Variants in STRA8 observed in about 807,000 individuals in gnomAD.
The protein encoded by STRA8 is stimulated by retinoic acid gene 8 protein homolog.
In STRA8, 18 loss-of-function variants were observed where a neutral mutation model predicts 37.1. That is an observed-to-expected ratio of 0.48 (90% CI 0.34 to 0.72). The LOEUF is 0.72. Among genes scored for constraint, STRA8 ranks in the 30% least tolerant of loss-of-function variants. The probability of loss-of-function intolerance (pLI) is 0.01; values close to 1 mark genes in which losing one functional copy is unlikely to be tolerated. For missense variants in STRA8, 357 were observed against 410.4 expected, an observed-to-expected ratio of 0.87 and a Z score of 1.13; for synonymous variants, 168 against 162.9, an observed-to-expected ratio of 1.03 and a Z score of -0.24.
At chr7:135,258,395 C>G (rs374743682) in intron 8 of STRA8, 23 bp from the exon 9 acceptor site, 147 of 1,582,426 alleles carry the variant, frequency 9.3e-5, no homozygotes, top group African/African-American at 2.1e-4. Flanking sequence ...AAAAGTGACC[C>G]TCTTCCACCC....
rs150745062 is a variant in STRA8, at chr7:135,235,046, A to AT, written c.-7+1149dup. On this transcript the variant is annotated intron_variant, in intron 1 of 8. Transcript: ENST00000662584. Reference sequence around the variant, plus strand: ...CACATGACGCCCAGATAATTTTTGTATTTTTTGTAGAAATGGGGTTTGGCC... The same window carrying AT: ...CACATGACGCCCAGATAATTTTTGTATTTTTTTGTAGAAATGGGGTTTGGCC... Among the ~76,000 whole-genome samples the AT allele has an allele frequency of 0.013, 2,019 of 152,040 alleles. 141 individuals carry two copies. The East Asian group carries it at 0.21, about 16-fold the overall frequency.
intron 6 of STRA8, 49 bp from the exon 7 acceptor site, chr7:135,251,747 G>A: frequency 6.3e-7 from 1 of 1,595,180 alleles, no homozygotes; most frequent in Non-Finnish European, 8.6e-7. Context: ...GGGCAAGCAT[G>A]AAATTGTCAA....
At chr7:135,247,975 A>G (rs1343474700) in intron 6 of STRA8, among the ~76,000 whole-genome samples, 1 of 152,196 alleles carries the variant, frequency 6.6e-6, no homozygotes, top group Non-Finnish European at 1.5e-5. Flanking sequence ...GACATTTAGC[A>G]TCCATGGCTT....
At chr7:135,242,162 G>A (rs1465468280) in intron 2 of STRA8, among the ~76,000 whole-genome samples, 13 of 123,366 alleles carry the variant, frequency 1.1e-4, no homozygotes, top group Non-Finnish European at 2.0e-4. Context: ...GGGAAGGAGG[G>A]AGGGAAAAAA....
intron 1 of STRA8, among the ~76,000 whole-genome samples, chr7:135,237,811 G>A (rs1415214801): frequency 1.3e-5 from 2 of 152,000 alleles, no homozygotes; most frequent in Non-Finnish European, 2.9e-5. Context: ...AGAATCGCTT[G>A]AACCCGGGAG....
intron 1 of STRA8, among the ~76,000 whole-genome samples, chr7:135,236,088 C>T (rs1832372498): frequency 6.6e-6 from 1 of 151,050 alleles, no homozygotes; most frequent in Non-Finnish European, 1.5e-5. Context: ...GTCAATGGAG[C>T]GAGACCCTAT....
chr7:135,253,750 T>G (rs2129480022), intron 7 of STRA8, among the ~76,000 whole-genome samples: 1 of 152,326 alleles, frequency 6.6e-6, no homozygotes, highest in Non-Finnish European at 1.5e-5. Context: ...AAACCTGTGG[T>G]CTTAGAGCCT....
chr7:135,239,267 C>G (rs1346863053), intron 1 of STRA8, among the ~76,000 whole-genome samples: 1 of 152,186 alleles, frequency 6.6e-6, no homozygotes, highest in East Asian at 1.9e-4. Context: ...TTAGCGGTGG[C>G]TCTCAAAGTG....
chr7:135,239,262 G>A (rs774872269), intron 1 of STRA8, among the ~76,000 whole-genome samples: 8 of 152,138 alleles, frequency 5.3e-5, no homozygotes, highest in Non-Finnish European at 8.8e-5. Context: ...AAGAGTTAGC[G>A]GTGGCTCTCA....
intron 1 of STRA8, among the ~76,000 whole-genome samples, chr7:135,236,092 A>AC (rs1167569415): frequency 6.6e-6 from 1 of 151,506 alleles, no homozygotes; most frequent in Non-Finnish European, 1.5e-5. Context: ...ATGGAGCGAG[A>AC]CCCTATCTCA....
chr7:135,258,364 C>T (rs11979480), intron 8 of STRA8, 54 bp from the exon 9 acceptor site: 51 of 1,478,292 alleles, frequency 3.4e-5, no homozygotes, highest in Middle Eastern at 1.7e-4. Flanking sequence ...CTATCTGCCT[C>T]GGGCCCAAGA....
chr7:135,235,962 C>T (rs1832370137), intron 1 of STRA8, among the ~76,000 whole-genome samples: 1 of 151,566 alleles, frequency 6.6e-6, no homozygotes, highest in African/African-American at 2.4e-5. Flanking sequence ...ATTAACCAGG[C>T]CCAGTGGTGC....
chr7:135,240,500 G>T lies in STRA8; in HGVS notation c.-6-19G>T. 6.6e-7 allele frequency: 1 copy of T among 1,523,762 alleles called. No homozygotes were observed. The highest frequency in any genetic ancestry group is 8.9e-7 in the Non-Finnish European group (1 of 1,119,172). 94.4% of individuals were successfully genotyped at this position (1,523,762 alleles called of 1,614,324 possible). A position where few individuals can be genotyped will look rare whatever the true frequency, so the allele number is the denominator to read the frequency against. ...TTTATTATCTAGGGCAAAAAAAAAA[G>T]CATACTATTACATTACAGCTTATAA... On this transcript the variant is annotated intron_variant, in intron 1 of 8. Coordinates refer to ENST00000662584, the MANE Select transcript of STRA8 (RefSeq NM_001394401.1).
intron 1 of STRA8, among the ~76,000 whole-genome samples, chr7:135,238,807 G>A (rs560835694): frequency 6.6e-6 from 1 of 152,292 alleles, no homozygotes; most frequent in East Asian, 1.9e-4. Context: ...AAGATTAGTT[G>A]GTATCTGGAA....
intron 6 of STRA8, among the ~76,000 whole-genome samples, chr7:135,250,455 A>G (rs1027710283): frequency 9.8e-5 from 15 of 152,308 alleles, no homozygotes; most frequent in Admixed American, 2.6e-4. Flanking sequence ...TGAAATGACC[A>G]CAGAGATATC....
chr7:135,246,669 G>A lies in STRA8; in HGVS notation c.846G>A (p.Gly282=), dbSNP rs760578280. 1 of 1,531,114 alleles carries A rather than the reference G, an allele frequency of 6.5e-7. No homozygotes were observed. The highest frequency in any genetic ancestry group is 2.5e-5 in the East Asian group (1 of 40,804). The allele number at this position is 1,531,114 out of a possible 1,614,324, so 94.8% of individuals were successfully genotyped here. The part of the protein sequence containing the change: ...SVKDSGVDSQ[G]ASCSLVSTPE... ...AGGACAGCGGCGTGGACAGCCAGGG[G>A]GCCAGCTGCTCGCTGGTCTCCACGC... is the stretch of plus-strand genomic sequence containing the variant. Residue 282 remains glycine (G), a synonymous_variant, in exon 6 of 9, where the codon GGG becomes GGA. Coordinates refer to ENST00000662584, the MANE Select transcript of STRA8 (RefSeq NM_001394401.1). The surrounding 1 kb of genome is among the most constrained non-coding windows in gnomAD (Gnocchi z 5.4).
At chr7:135,244,257 A>C (rs1162961995) in intron 4 of STRA8, among the ~76,000 whole-genome samples, 1 of 152,116 alleles carries the variant, frequency 6.6e-6, no homozygotes, top group Non-Finnish European at 1.5e-5. Context: ...CGGGGTTTCA[A>C]CATGTTGCCC....
In STRA8 at chr7:135,255,199, A is replaced by T; in HGVS notation, c.1039A>T (p.Ser347Cys). The T allele has an allele frequency of 6.2e-7, 1 of 1,613,884 alleles. No individual in the cohort carries two copies. Among genetic ancestry groups the T allele is most frequent in the Non-Finnish European group, 8.5e-7 (1 of 1,179,790 alleles). ...MQIINFFKGLSCANTQVKQEA... is the reference protein window; with the variant it reads ...MQIINFFKGLCCANTQVKQEA... ...GATCATCAACTTTTTTAAAGGCCTT[A>T]GCTGTGCAAACACTCAAGTAAAGCA... Residue 347 changes from serine to cysteine, a missense_variant, in exon 8 of 9, where the codon AGC becomes TGC. By Grantham distance (112) the Ser-to-Cys change is moderately radical. Coordinates refer to ENST00000662584, the MANE Select transcript of STRA8 (RefSeq NM_001394401.1).
chr7:135,243,608 TAA>T (rs955668624), intron 4 of STRA8, among the ~76,000 whole-genome samples, 198 bp downstream of exon 4: 2 of 152,112 alleles, frequency 1.3e-5, no homozygotes, highest in Non-Finnish European at 2.9e-5. Context: ...TTCCCAATTA[TAA>T]AAAGATACAT....
Sources: gnomAD v4.1 joint callset for allele counts (sites outside exome capture counted in the v4.1 genomes callset) on GRCh38, gnomAD v4.1.1 for gene constraint, Gnocchi (gnomAD v3.1) non-coding constraint, MANE v1.5 for transcripts, NCBI Gene and HGNC (gene_info 2026-07-23, HGNC 2026-07-21) for gene names.